The following CSK variants were observed in gnomAD, a reference collection of about 807,000 sequenced individuals.
CSK encodes the protein tyrosine-protein kinase CSK.
In CSK, 7 loss-of-function variants were observed where a neutral mutation model predicts 62.3. The ratio of observed to expected loss-of-function variants is 0.11; its 90% CI spans 0.06 to 0.21. The LOEUF is 0.21. CSK is among the 10% of genes least tolerant of loss of function. CSK has a pLI of 1.00. For missense variants in CSK, 294 were observed against 613.5 expected, an observed-to-expected ratio of 0.48 and a Z score of 5.50; for synonymous variants, 237 against 246.0, an observed-to-expected ratio of 0.96 and a Z score of 0.34.
intron 1 of CSK, among the ~76,000 whole-genome samples, chr15:74,784,903 ATG>A (rs2063493430): frequency 1.3e-5 from 2 of 152,146 alleles, no homozygotes; most frequent in Admixed American, 6.5e-5. Flanking sequence ...AGATTCTCAT[ATG>A]TCTGAGGGAC....
intron 1 of CSK, among the ~76,000 whole-genome samples, chr15:74,785,674 G>T (rs975914340): frequency 1.3e-5 from 2 of 152,340 alleles, no homozygotes; most frequent in African/African-American, 4.8e-5. Context: ...TGTTGAAGGA[G>T]TGCCCACTGC....
rs555782886 is a variant in CSK at position 74,799,175 on chromosome 15, C to G, written c.243-97C>G. The G allele has an allele frequency of 8.3e-6, 11 of 1,330,082 alleles. No homozygotes were observed. In the African/African-American group the frequency reaches 1.2e-4, roughly 14 times the overall value. The allele number at this position is 1,330,082 out of a possible 1,614,324, so 82.4% of individuals were successfully genotyped here. On this transcript the variant is annotated intron_variant, in intron 4 of 12. Transcript: ENST00000220003. ...CCTCAAATGCCTGACTGAGCGAGTG[C>G]GAGCCACGGGTGCCAAGCAGAGGGA...
At chr15:74,787,535 G>C (rs2063542278) in intron 1 of CSK, among the ~76,000 whole-genome samples, 1 of 152,206 alleles carries the variant, frequency 6.6e-6, no homozygotes, top group African/African-American at 2.4e-5. Context: ...GGCCCCCAGG[G>C]ACTGGAGGGC....
chr15:74,794,162 CT>C lies in CSK; in HGVS notation c.-65-4070del, dbSNP rs1250177228. 3.3e-5 allele frequency among the ~76,000 whole-genome samples: 4 copies of C among 119,622 alleles called. 1 individual carries two copies. Among genetic ancestry groups the C allele is most frequent in the Non-Finnish European group, 5.1e-5 (3 of 58,638 alleles). 78.5% of individuals were successfully genotyped at this position (119,622 alleles called of 152,430 possible). On this transcript the variant is annotated intron_variant, in intron 1 of 12. Coordinates refer to ENST00000220003, the MANE Select transcript of CSK (RefSeq NM_004383.3). ...GCAAGGGGTCCTCACCACCCCCACC[CT>C]CACAGCTTACAGTCCACAGGAGGCA...
Position 74,801,894 on chromosome 15 carries a change from G to T in CSK, c.1083+4G>T, listed in dbSNP as rs370918283. 7.5e-6 allele frequency: 12 copies of T among 1,609,352 alleles called. No individual in the cohort carries two copies. The highest frequency in any genetic ancestry group is 4.0e-5 in the African/African-American group (3 of 74,820). On this transcript the variant is annotated splice_donor_region_variant and intron_variant, in intron 11 of 12. Transcript: ENST00000220003. ...CCCTGAGGCCCTGAGAGAGAAGGTG[G>T]GGCTGGCCTCCCCTGGGGCCTACAG...
intron 1 of CSK, among the ~76,000 whole-genome samples, chr15:74,785,847 C>T (rs1170591326): frequency 6.6e-6 from 1 of 152,046 alleles, no homozygotes; most frequent in Admixed American, 6.5e-5. Flanking sequence ...CTTCCCTTCT[C>T]CCCATTACCA....
At chr15:74,787,311 G>A (rs769737951) in intron 1 of CSK, among the ~76,000 whole-genome samples, 4 of 152,186 alleles carry the variant, frequency 2.6e-5, no homozygotes, top group Admixed American at 1.3e-4. Context: ...GCTTTGGGTG[G>A]CTGAGCCCCT....
At position 74,800,682 on chromosome 15, in the gene CSK, C is replaced by T. The variant is rs1410860341; in HGVS notation, c.558C>T (p.Ser186=). The change falls in exon 7 of 13, where the codon AGC becomes AGT. Residue 186 remains serine, a splice_region_variant and synonymous_variant. Coordinates refer to ENST00000220003, the MANE Select transcript of CSK (RefSeq NM_004383.3). ...TVAAQDEFYR[S]GWALNMKELK... ...GCCCTCACTGGCCCCTCCCCACAGGCGGCTGGGCCCTGAACATGAAGGAGC... is the reference window on the plus strand; with the variant it reads ...GCCCTCACTGGCCCCTCCCCACAGGTGGCTGGGCCCTGAACATGAAGGAGC... 8.4e-6 allele frequency: 13 copies of T among 1,547,528 alleles called. No individual in the cohort carries two copies. The East Asian group carries it at 1.5e-4, about 17-fold the overall frequency.
rs1490103914 is a variant in CSK, at chr15:74,801,676, G to A, written c.888-19G>A. 1 of 1,609,904 alleles carries A rather than the reference G, an allele frequency of 6.2e-7. No homozygotes were observed. On this transcript the variant is annotated intron_variant, in intron 10 of 12. Coordinates refer to ENST00000220003, the MANE Select transcript of CSK (RefSeq NM_004383.3). Reference sequence around the variant, plus strand: ...TGGGAGCCCCAGTCTGAGGGGACATGTGGCTGGCCTACCCCCAGAGATGTC... The same window carrying A: ...TGGGAGCCCCAGTCTGAGGGGACATATGGCTGGCCTACCCCCAGAGATGTC...
rs776148891 is a variant in CSK at position 74,801,502 on chromosome 15, T to G, written c.814-20T>G. The G allele has an allele frequency of 8.7e-6, 14 of 1,607,224 alleles. No individual in the cohort carries two copies. Among genetic ancestry groups the G allele is most frequent in the Admixed American group, 5.0e-5 (3 of 59,500 alleles). ...CAGGGCACGTCTGACCTCGGCCTGGTCTGTCCTTCCTGCCCCCAGGGGAGC... is the reference window on the plus strand; with the variant it reads ...CAGGGCACGTCTGACCTCGGCCTGGGCTGTCCTTCCTGCCCCCAGGGGAGC... On this transcript the variant is annotated intron_variant, in intron 9 of 12. Transcript: ENST00000220003.
Position 74,798,084 on chromosome 15 carries a change from G to C in CSK, c.-65-149G>C. ...CATGCTCCTCTACCCAGTACCGTCAGCCTGCCAGGACTGGAGAGAATGGCC... is the reference window on the plus strand; with the variant it reads ...CATGCTCCTCTACCCAGTACCGTCACCCTGCCAGGACTGGAGAGAATGGCC... On this transcript the variant is annotated intron_variant, in intron 1 of 12. Coordinates refer to ENST00000220003, the MANE Select transcript of CSK (RefSeq NM_004383.3). The surrounding 1 kb of genome is among the most constrained non-coding windows in gnomAD (Gnocchi z 6.6). 1 of 564,582 alleles carries C rather than the reference G, an allele frequency of 1.8e-6. No individual in the cohort carries two copies. Among genetic ancestry groups the C allele is most frequent in the South Asian group, 2.2e-5 (1 of 45,076 alleles). The allele number at this position is 564,582 out of a possible 1,614,324, so 35.0% of individuals were successfully genotyped here.
rs78774934 is a variant in CSK at position 74,799,138 on chromosome 15, A to G, written c.243-134A>G. ...GGGTGGCAAAGAAGGGACAGGGAGC[A>G]GAAGAAGAGGGCCTCAAATGCCTGA... is the stretch of plus-strand genomic sequence containing the variant. On this transcript the variant is annotated intron_variant, in intron 4 of 12. Transcript: ENST00000220003. 1.6e-3 allele frequency: 1,694 copies of G among 1,042,260 alleles called. 19 individuals are homozygous for G. In the African/African-American group the frequency reaches 0.024, roughly 15 times the overall value. 64.6% of individuals were successfully genotyped at this position (1,042,260 alleles called of 1,614,324 possible). A position where few individuals can be genotyped will look rare whatever the true frequency, so the allele number is the denominator to read the frequency against.
chr15:74,786,178 C>T (rs927314304), intron 1 of CSK, among the ~76,000 whole-genome samples: 18 of 151,934 alleles, frequency 1.2e-4, no homozygotes, highest in Admixed American at 7.2e-4. Context: ...TGTGCCATCA[C>T]GCCTGGCTAA....
At position 74,798,128 on chromosome 15, in the gene CSK, G is replaced by T; in HGVS notation, c.-65-105G>T. Reference sequence around the variant, plus strand: ...AATGGCCCATGTGTCAAATCCCAGCGCAGGACACTCTTGGCACCTGTTCAT... The same window carrying T: ...AATGGCCCATGTGTCAAATCCCAGCTCAGGACACTCTTGGCACCTGTTCAT... On this transcript the variant is annotated intron_variant, in intron 1 of 12. Coordinates refer to ENST00000220003, the MANE Select transcript of CSK (RefSeq NM_004383.3). This position sits in a 1 kb window ranked among gnomAD's most constrained non-coding sequence, Gnocchi z 6.6. 1 of 654,950 alleles carries T rather than the reference G, an allele frequency of 1.5e-6. No individual in the cohort carries two copies. Among genetic ancestry groups the T allele is most frequent in the South Asian group, 2.0e-5 (1 of 49,976 alleles). 40.6% of individuals were successfully genotyped at this position (654,950 alleles called of 1,614,324 possible).
At position 74,802,396 on chromosome 15, in the gene CSK, G is replaced by C. The variant is rs770878314; in HGVS notation, c.1236G>C (p.Pro412=). 6.2e-7 allele frequency: 1 copy of C among 1,612,096 alleles called. No individual in the cohort carries two copies. Among genetic ancestry groups the C allele is most frequent in the East Asian group, 2.2e-5 (1 of 44,854 alleles). The change falls in exon 13 of 13, where the codon CCG becomes CCC. Residue 412 remains proline (P), a synonymous_variant. Transcript: ENST00000220003. ...GYKMDAPDGC[P]PAVYEVMKNC... Reference sequence around the variant, plus strand: ...AGATGGATGCCCCCGACGGCTGCCCGCCCGCAGTCTATGAAGTCATGAAGA... The same window carrying C: ...AGATGGATGCCCCCGACGGCTGCCCCCCCGCAGTCTATGAAGTCATGAAGA...
chr15:74,789,431 T>G (rs910898391), intron 1 of CSK, among the ~76,000 whole-genome samples: 27 of 152,266 alleles, frequency 1.8e-4, no homozygotes, highest in Non-Finnish European at 2.6e-4. Context: ...TGATGTGTGG[T>G]GGGGAATGTC....
chr15:74,794,109 C>A (rs1312495486), intron 1 of CSK, among the ~76,000 whole-genome samples: 1 of 141,156 alleles, frequency 7.1e-6, no homozygotes, highest in Non-Finnish European at 1.5e-5. Flanking sequence ...CCCCCACCCC[C>A]ACAGCTTACA....
At chr15:74,800,780 A>AG (rs1256255728) in intron 7 of CSK, 34 bp downstream of exon 7, 1 of 1,590,264 alleles carries the variant, frequency 6.3e-7, no homozygotes, top group East Asian at 2.3e-5. Context: ...GGGGGTTCTG[A>AG]GGGACTCCGA....
chr15:74,785,998 C>T (rs1468273563), intron 1 of CSK, among the ~76,000 whole-genome samples: 20 of 44,902 alleles, frequency 4.5e-4, no homozygotes, highest in Non-Finnish European at 1.1e-3. Context: ...CTCTCTCTCT[C>T]TCTCTTTTTT....
Sources: allele counts gnomAD v4.1 joint callset (sites outside exome capture counted in the v4.1 genomes callset), GRCh38; gene constraint gnomAD v4.1.1; non-coding constraint Gnocchi (gnomAD v3.1); transcripts MANE v1.5; gene names NCBI Gene and HGNC (gene_info 2026-07-23, HGNC 2026-07-21).